The following UBE2D4 variants were observed in gnomAD, a reference collection of about 807,000 sequenced individuals.
UBE2D4 encodes ubiquitin-conjugating enzyme E2 D4.
Under a neutral mutation model 23.0 loss-of-function variants are expected in UBE2D4, and 17 were observed. That is an observed-to-expected ratio of 0.74 (90% CI 0.51 to 1.11). UBE2D4 has a LOEUF of 1.11. Ranked by LOEUF, UBE2D4 falls within the 50% of genes least tolerant of loss-of-function variation. UBE2D4 has a pLI of 0.00. For missense variants in UBE2D4, 139 were observed against 181.8 expected (o/e 0.76, Z 1.35); for synonymous variants, 61 against 69.4 (o/e 0.88, Z 0.60).
intron 1 of UBE2D4, among the ~76,000 whole-genome samples, chr7:43,936,177 A>C (rs1215147031): frequency 6.6e-6 from 1 of 152,236 alleles, no homozygotes; most frequent in South Asian, 2.1e-4. Context: ...ACAGCCTGAT[A>C]AAAGTAATTT....
intron 6 of UBE2D4, among the ~76,000 whole-genome samples, chr7:43,951,624 A>G (rs963228257): frequency 2.6e-5 from 4 of 151,980 alleles, no homozygotes; most frequent in African/African-American, 7.3e-5. Flanking sequence ...TCGATCTTCC[A>G]GGCTCAACCT....
Position 43,948,716 on chromosome 7 carries a change from C to A in UBE2D4, c.283C>A (p.Pro95Thr). ...CLDILRSQWSPALTVSKVLLS... is the reference protein window; with the variant it reads ...CLDILRSQWSTALTVSKVLLS... ...TGATATCCTGCGGTCTCAGTGGTCT[C>A]CAGCGTTGACTGTGTCAAAAGGTAG... Residue 95 changes from proline to threonine, a missense_variant, in exon 5 of 7, where the codon CCA (proline) becomes ACA (threonine). By Grantham distance (38) the Pro-to-Thr change is conservative (BLOSUM62 -1). Transcript: ENST00000222402. 6.2e-7 allele frequency: 1 copy of A among 1,613,238 alleles called. No individual in the cohort carries two copies. The highest frequency in any genetic ancestry group is 8.5e-7 in the Non-Finnish European group (1 of 1,179,494).
At chr7:43,948,372 C>A (rs1406709922) in intron 4 of UBE2D4, among the ~76,000 whole-genome samples, 2 of 152,204 alleles carry the variant, frequency 1.3e-5, no homozygotes, top group Admixed American at 1.3e-4. Flanking sequence ...TCAGAGCATA[C>A]TGCTTTCAGG....
At chr7:43,931,936 C>T (rs2095946627) in intron 1 of UBE2D4, among the ~76,000 whole-genome samples, 1 of 152,020 alleles carries the variant, frequency 6.6e-6, no homozygotes, top group South Asian at 2.1e-4. Context: ...GATCCACCCA[C>T]TTGGGCCTCC....
intron 5 of UBE2D4, chr7:43,949,042 A>G (rs1201905727): frequency 1.8e-5 from 8 of 436,336 alleles, no homozygotes; most frequent in African/African-American, 1.4e-4. Context: ...AAGAAAGGCA[A>G]ATATTACATT....
At chr7:43,943,302 G>C (rs1404341795) in intron 4 of UBE2D4, 4 of 565,928 alleles carry the variant, frequency 7.1e-6, no homozygotes, top group African/African-American at 5.6e-5. Context: ...GCTGAGTCTG[G>C]TCATGTCTCC....
intron 5 of UBE2D4, 80 bp from the exon 6 acceptor site, chr7:43,950,519 T>G: frequency 9.5e-7 from 1 of 1,047,142 alleles, no homozygotes. Flanking sequence ...AAATACAGAG[T>G]GCAAGTTCAG....
Position 43,926,631 on chromosome 7 carries a change from A to G in UBE2D4, c.24+75A>G, listed in dbSNP as rs528069867. On this transcript the variant is annotated intron_variant, in intron 1 of 6. Coordinates refer to ENST00000222402, the MANE Select transcript of UBE2D4 (RefSeq NM_015983.4). ...TGTGGGCGGGGCGCCGCTGCCGTGAAGTGAAAGGTGACGGAGGCTCCGCGA... is the reference window on the plus strand; with the variant it reads ...TGTGGGCGGGGCGCCGCTGCCGTGAGGTGAAAGGTGACGGAGGCTCCGCGA... The G allele has an allele frequency of 2.8e-6, 4 of 1,447,388 alleles. No individual in the cohort carries two copies. In the East Asian group the frequency reaches 8.4e-5, roughly 31 times the overall value. 89.7% of individuals were successfully genotyped at this position (1,447,388 alleles called of 1,614,324 possible).
At chr7:43,939,009 C>A (rs2095964859) in intron 2 of UBE2D4, among the ~76,000 whole-genome samples, 1 of 152,242 alleles carries the variant, frequency 6.6e-6, no homozygotes, top group South Asian at 2.1e-4. Context: ...CCTGCACTGC[C>A]TCTCATGTCC....
At chr7:43,937,120 G>A (rs1478607062) in intron 1 of UBE2D4, among the ~76,000 whole-genome samples, 2 of 152,234 alleles carry the variant, frequency 1.3e-5, no homozygotes, top group Non-Finnish European at 2.9e-5. Context: ...CATATAGGCA[G>A]TGCAAAAGCA....
intron 1 of UBE2D4, among the ~76,000 whole-genome samples, chr7:43,929,776 C>T (rs2095941453): frequency 1.3e-5 from 2 of 152,212 alleles, no homozygotes; most frequent in Admixed American, 1.3e-4. Context: ...CCTACATTTT[C>T]ACATTCACAA....
intron 2 of UBE2D4, chr7:43,940,812 C>T (rs2095970317): frequency 6.6e-6 from 1 of 152,096 alleles, no homozygotes; most frequent in African/African-American, 2.4e-5. Context: ...TAAAGAATTC[C>T]ATTCACATTA....
intron 1 of UBE2D4, among the ~76,000 whole-genome samples, chr7:43,933,702 C>A (rs1031068713): frequency 6.6e-6 from 1 of 152,038 alleles, no homozygotes; most frequent in Non-Finnish European, 1.5e-5. Flanking sequence ...CGAGATGGTG[C>A]CAGTGTACTC....
intron 2 of UBE2D4, chr7:43,941,548 C>T (rs2095972517): frequency 6.6e-6 from 1 of 152,252 alleles, no homozygotes; most frequent in Non-Finnish European, 1.5e-5. Flanking sequence ...CAGGGCACTG[C>T]CCAGGGGTTG....
Position 43,948,676 on chromosome 7 carries a change from T to C in UBE2D4, c.243T>C (p.Asn81=), listed in dbSNP as rs769469165. The C allele has an allele frequency of 6.2e-7, 1 of 1,613,822 alleles. No individual in the cohort carries two copies. Among genetic ancestry groups the C allele is most frequent in the Non-Finnish European group, 8.5e-7 (1 of 1,179,862 alleles). Residue 81 remains asparagine, a synonymous_variant, in exon 5 of 7, where the codon AAT becomes AAC. Transcript: ENST00000222402. Reference sequence around the variant, plus strand: ...TTTATCACCCTAATATCAACAGCAATGGCAGCATCTGCCTTGATATCCTGC... The same window carrying C: ...TTTATCACCCTAATATCAACAGCAACGGCAGCATCTGCCTTGATATCCTGC... ...TKIYHPNINS[N]GSICLDILRS...
chr7:43,939,641 T>G (rs950489351), intron 2 of UBE2D4, among the ~76,000 whole-genome samples: 1 of 152,236 alleles, frequency 6.6e-6, no homozygotes, highest in African/African-American at 2.4e-5. Flanking sequence ...ACGGCACCAT[T>G]ACTCATGATT....
intron 2 of UBE2D4, among the ~76,000 whole-genome samples, chr7:43,940,384 G>GATA (rs1331858922): frequency 6.6e-6 from 1 of 152,204 alleles, no homozygotes; most frequent in Non-Finnish European, 1.5e-5. Context: ...TGTCACTTAA[G>GATA]ATAATATCAG....
Position 43,950,636 on chromosome 7 carries a change from C to G in UBE2D4, c.342C>G (p.Asn114Lys). 6.2e-7 allele frequency: 1 copy of G among 1,614,246 alleles called. No individual in the cohort carries two copies. The highest frequency in any genetic ancestry group is 8.5e-7 in the Non-Finnish European group (1 of 1,180,046). ...LSICSLLCDP[N>K]PDDPLVPEIA... ...TCTGCTCGCTGCTCTGCGACCCCAA[C>G]CCCGATGACCCCCTGGTGCCAGAGA... The change falls in exon 6 of 7, where the codon AAC becomes AAG. Residue 114 changes from asparagine to lysine, a missense_variant. Physicochemically the swap from Asn to Lys is moderately conservative, Grantham distance 94. Transcript: ENST00000222402.
At chr7:43,943,067 T>C in intron 4 of UBE2D4, 36 bp downstream of exon 4, 2 of 1,601,530 alleles carry the variant, frequency 1.2e-6, no homozygotes, top group Non-Finnish European at 1.7e-6. Flanking sequence ...GATGTTTGGA[T>C]GAAGGACAGC....
Sources: allele counts gnomAD v4.1 joint callset (sites outside exome capture counted in the v4.1 genomes callset), GRCh38; gene constraint gnomAD v4.1.1; transcripts MANE v1.5; gene names NCBI Gene and HGNC (gene_info 2026-07-23, HGNC 2026-07-21).